The following DIAPH2 variants were observed in gnomAD, a reference collection of about 807,000 sequenced individuals.
The protein encoded by DIAPH2 is protein diaphanous homolog 2.
In DIAPH2, 35 loss-of-function variants were observed where a neutral mutation model predicts 92.7. That is an observed-to-expected ratio of 0.38 (90% confidence interval 0.29 to 0.50). The LOEUF (loss-of-function observed/expected upper bound fraction) is 0.50. Ranked by LOEUF, DIAPH2 falls within the 20% of genes least tolerant of loss-of-function variation. The pLI, the probability that DIAPH2 is intolerant of heterozygous loss-of-function variation, is 0.94. For synonymous variants in DIAPH2, 301 were observed against 280.4 expected, an observed-to-expected ratio of 1.07 and a Z score of -0.73; for missense variants, 701 against 819.5, an observed-to-expected ratio of 0.86 and a Z score of 1.77.
chrX:97,122,595 T>C (rs1476160362), intron 21 of DIAPH2, among the ~76,000 whole-genome samples: 4 of 111,867 alleles, frequency 3.6e-5, no homozygotes, highest in African/African-American at 6.5e-5. Flanking sequence ...CACTGAAATA[T>C]ACTTTTTCCT....
intron 2 of DIAPH2, among the ~76,000 whole-genome samples, chrX:96,736,909 T>C (rs1053137444): frequency 2.7e-5 from 3 of 112,410 alleles, no homozygotes; most frequent in Non-Finnish European, 3.8e-5. Context: ...AATGCTTTCA[T>C]GTCCACCATA....
intron 26 of DIAPH2, among the ~76,000 whole-genome samples, chrX:97,596,880 G>T (rs1399483801): frequency 2.7e-5 from 3 of 111,901 alleles, no homozygotes; most frequent in Non-Finnish European, 5.6e-5. Flanking sequence ...CTAGCCACTA[G>T]AATGTGAAGA....
chrX:97,219,223 T>C (rs2067906164), intron 22 of DIAPH2, among the ~76,000 whole-genome samples: 1 of 112,529 alleles, frequency 8.9e-6, no homozygotes, highest in South Asian at 3.6e-4. Flanking sequence ...ATTATTTCAA[T>C]AGAAAAAATT....
At chrX:97,097,991 G>C (rs2066880696) in intron 19 of DIAPH2, among the ~76,000 whole-genome samples, 4 of 111,272 alleles carry the variant, frequency 3.6e-5, no homozygotes, top group Admixed American at 2.9e-4. Context: ...TTAGTCAAAG[G>C]GTGCGATATT....
At chrX:97,502,337 T>C (rs2070804537) in intron 26 of DIAPH2, among the ~76,000 whole-genome samples, 1 of 112,210 alleles carries the variant, frequency 8.9e-6, no homozygotes, top group African/African-American at 3.2e-5. Flanking sequence ...CTTTCAAGGA[T>C]TCTGTTTAGT....
At chrX:97,160,724 G>C (rs2067363383) in intron 22 of DIAPH2, among the ~76,000 whole-genome samples, 1 of 111,362 alleles carries the variant, frequency 9.0e-6, no homozygotes, top group Non-Finnish European at 1.9e-5. Context: ...TCTTAAGTCT[G>C]GTTTTAGCCA....
chrX:96,894,263 T>C (rs2065327757), intron 5 of DIAPH2, among the ~76,000 whole-genome samples: 1 of 110,259 alleles, frequency 9.1e-6, no homozygotes, highest in South Asian at 3.9e-4. Flanking sequence ...AGTTTTTTTT[T>C]TTTTCTTTTA....
chrX:97,314,797 G>C (rs1459449813), intron 23 of DIAPH2, among the ~76,000 whole-genome samples: 3 of 112,104 alleles, frequency 2.7e-5, no homozygotes, highest in Non-Finnish European at 5.6e-5. Context: ...AACAATAAAA[G>C]CTGTTTGTTC....
At chrX:97,074,331 G>A (rs756350012) in intron 18 of DIAPH2, among the ~76,000 whole-genome samples, 43 of 111,143 alleles carry the variant, frequency 3.9e-4, no homozygotes, top group South Asian at 7.7e-4. Context: ...TCTTGAACCC[G>A]GGAGGCAAAG....
chrX:97,096,797 C>T (rs1344421199), intron 19 of DIAPH2, among the ~76,000 whole-genome samples: 1 of 111,887 alleles, frequency 8.9e-6, no homozygotes, highest in Non-Finnish European at 1.9e-5. Flanking sequence ...GGCCTGGAAT[C>T]ACATCCAAAA....
At chrX:96,990,428 A>G (rs1424545914) in intron 17 of DIAPH2, among the ~76,000 whole-genome samples, 4 of 111,895 alleles carry the variant, frequency 3.6e-5, no homozygotes, top group Non-Finnish European at 7.5e-5. Context: ...CAACAGTATC[A>G]TATAGTCTGG....
intron 26 of DIAPH2, among the ~76,000 whole-genome samples, chrX:97,525,631 G>C (rs1414177409): frequency 1.8e-5 from 2 of 112,461 alleles, no homozygotes; most frequent in South Asian, 7.4e-4. Context: ...TAAATGAGTA[G>C]ATGAATGAAC....
At chrX:97,459,151 A>G (rs2070436306) in intron 26 of DIAPH2, among the ~76,000 whole-genome samples, 2 of 112,186 alleles carry the variant, frequency 1.8e-5, no homozygotes, top group Non-Finnish European at 3.8e-5. Flanking sequence ...TACTGTGGCT[A>G]TATGCATCTA....
At position 96,808,850 on chromosome X, in the gene DIAPH2, T is replaced by C. The variant is rs421865; in HGVS notation, c.447+50592T>C. On this transcript the variant is annotated intron_variant, in intron 4 of 26. Coordinates refer to ENST00000324765, the MANE Select transcript of DIAPH2 (RefSeq NM_006729.5). ...CTCTTAAATTTTCTTCTATTGATGGTTGTTTTAAATTACGTGATGCCAGAG... is the reference window on the plus strand; with the variant it reads ...CTCTTAAATTTTCTTCTATTGATGGCTGTTTTAAATTACGTGATGCCAGAG... 1.4e-3 allele frequency among the ~76,000 whole-genome samples: 161 copies of C among 111,988 alleles called. 1 individual carries two copies. Among genetic ancestry groups the C allele is most frequent in the African/African-American group, 5.0e-3 (156 of 30,929 alleles).
At position 97,081,344 on chromosome X, in the gene DIAPH2, C is replaced by G. The variant is rs146782863; in HGVS notation, c.2247+6083C>G. Among the ~76,000 whole-genome samples, 115 of 111,174 alleles carry G rather than the reference C, an allele frequency of 1.0e-3. 2 individuals are homozygous for G. The East Asian group carries it at 0.032, about 31-fold the overall frequency. ...TCTATTATTATAATTACACATATTC[C>G]AAGCAAATGTTATCGCTGCTTATTT... On this transcript the variant is annotated intron_variant, in intron 19 of 26. Transcript: ENST00000324765.
chrX:97,161,056 T>G (rs747893797), intron 22 of DIAPH2, among the ~76,000 whole-genome samples: 24 of 105,522 alleles, frequency 2.3e-4, no homozygotes, highest in African/African-American at 7.1e-4. Context: ...TTTTTGTTTT[T>G]TTTTTTTTTT....
intron 19 of DIAPH2, among the ~76,000 whole-genome samples, chrX:97,092,760 T>C (rs980836853): frequency 2.7e-5 from 3 of 112,022 alleles, no homozygotes; most frequent in Non-Finnish European, 5.6e-5. Flanking sequence ...CTGCATGTAC[T>C]ATTTTATAAT....
At chrX:96,760,484 T>A (rs762480507) in intron 4 of DIAPH2, among the ~76,000 whole-genome samples, 1 of 111,000 alleles carries the variant, frequency 9.0e-6, no homozygotes, top group Non-Finnish European at 1.9e-5. Flanking sequence ...TGTTTTATAG[T>A]CACATGTAAA....
chrX:97,597,886 T>A (rs755081867), intron 26 of DIAPH2, among the ~76,000 whole-genome samples: 16 of 111,605 alleles, frequency 1.4e-4, no homozygotes, highest in Admixed American at 1.3e-3. Flanking sequence ...AATGCCTCTT[T>A]CTTTCTCACC....
Sources: allele counts gnomAD v4.1 joint callset (sites outside exome capture counted in the v4.1 genomes callset), GRCh38; gene constraint gnomAD v4.1.1; transcripts MANE v1.5; gene names NCBI Gene and HGNC (gene_info 2026-07-23, HGNC 2026-07-21).